Variants in RBMS2 observed in about 807,000 individuals in gnomAD.
RBMS2 encodes the protein RNA-binding motif, single-stranded-interacting protein 2.
In RBMS2, 38 loss-of-function variants were observed where a neutral mutation model predicts 58.4. That is an observed-to-expected ratio of 0.65 (90% CI 0.50 to 0.85). The LOEUF (loss-of-function observed/expected upper bound fraction) is 0.85. Ranked by LOEUF, RBMS2 falls within the 40% of genes least tolerant of loss-of-function variation. The pLI is 0.00. For synonymous variants in RBMS2, 151 were observed against 180.7 expected, an observed-to-expected ratio of 0.84 and a Z score of 1.32; for missense variants, 367 against 503.7, an observed-to-expected ratio of 0.73 and a Z score of 2.60.
intron 1 of RBMS2, among the ~76,000 whole-genome samples, chr12:56,557,736 CTTTTCTTTTT>C (rs1228757176): frequency 6.7e-6 from 1 of 148,412 alleles, no homozygotes; most frequent in Admixed American, 6.6e-5. Flanking sequence ...TTTTTCTTTT[CTTTTCTTTTT>C]TTTTTTTTTG....
Position 56,589,648 on chromosome 12 carries a change from A to G in RBMS2, c.*515A>G, listed in dbSNP as rs1046706242. On this transcript the variant is annotated 3_prime_UTR_variant, in exon 14 of 14. Coordinates refer to ENST00000262031, the MANE Select transcript of RBMS2 (RefSeq NM_002898.4). ...ATGGACTTTTTTGATGCATGTGTGTATGTGTTTTAAAAAGTATGCAGGCTC... is the reference window on the plus strand; with the variant it reads ...ATGGACTTTTTTGATGCATGTGTGTGTGTGTTTTAAAAAGTATGCAGGCTC... 2 of 160,748 alleles carry G rather than the reference A, an allele frequency of 1.2e-5. No individual in the cohort carries two copies. The highest frequency in any genetic ancestry group is 4.8e-5 in the African/African-American group (2 of 41,430). 10.0% of individuals were successfully genotyped at this position (160,748 alleles called of 1,614,324 possible).
chr12:56,542,047 T>C (rs1352285143), intron 1 of RBMS2, among the ~76,000 whole-genome samples: 1 of 83,888 alleles, frequency 1.2e-5, no homozygotes, highest in Non-Finnish European at 2.4e-5. Flanking sequence ...AATGCTTAAA[T>C]CTAGTAGATT....
intron 5 of RBMS2, among the ~76,000 whole-genome samples, chr12:56,575,568 C>CA (rs1369646465): frequency 2.8e-4 from 42 of 148,548 alleles, no homozygotes; most frequent in South Asian, 4.3e-4. Context: ...CACCCCCCCT[C>CA]AAAAAAAAAG....
At chr12:56,522,389 C>G (rs899914500) in intron 1 of RBMS2, among the ~76,000 whole-genome samples, 3 of 152,110 alleles carry the variant, frequency 2.0e-5, no homozygotes, top group Non-Finnish European at 4.4e-5. Flanking sequence ...GCTGATGTAT[C>G]AATCTCCACA....
chr12:56,546,499 A>T lies in RBMS2; in HGVS notation c.67-15918A>T, dbSNP rs1026084812. 2.1e-4 allele frequency among the ~76,000 whole-genome samples: 32 copies of T among 150,160 alleles called. No individual in the cohort carries two copies. In the East Asian group the frequency reaches 5.3e-3, roughly 25 times the overall value. ...TTATATTTTATATACAAAAAATATA[A>T]TTTTTTTGTATTTTTAGTAGAGACA... On this transcript the variant is annotated intron_variant, in intron 1 of 13. Transcript: ENST00000262031.
At chr12:56,565,308 T>C (rs550773935) in intron 2 of RBMS2, among the ~76,000 whole-genome samples, 4 of 152,320 alleles carry the variant, frequency 2.6e-5, no homozygotes, top group Middle Eastern at 3.4e-3. Flanking sequence ...CTTGGGTATT[T>C]GGTGTATAGA....
Position 56,594,558 on chromosome 12 carries a change from C to A in RBMS2, c.*5425C>A, listed in dbSNP as rs9368. The A allele has an allele frequency of 0.45, 68,800 of 152,088 alleles. 17,184 individuals are homozygous for A. Among genetic ancestry groups the A allele is most frequent in the African/African-American group, 0.67 (27,959 of 41,472 alleles). The allele number at this position is 152,088 out of a possible 1,614,324, so 9.4% of individuals were successfully genotyped here. On this transcript the variant is annotated 3_prime_UTR_variant, in exon 14 of 14. Transcript: ENST00000262031. ...GCTGCCTACATTTTCAATCCTCCCA[C>A]GCATTAGCAAATTCCTGAAATTTCC... is the stretch of plus-strand genomic sequence containing the variant.
intron 1 of RBMS2, among the ~76,000 whole-genome samples, chr12:56,538,869 GT>G (rs34672225): frequency 6.6e-6 from 1 of 152,110 alleles, no homozygotes; most frequent in East Asian, 1.9e-4. Flanking sequence ...TTTTAGTAAT[GT>G]TTTTGGCTTT....
chr12:56,588,957 T>C lies in RBMS2; in HGVS notation c.1169T>C (p.Val390Ala). Residue 390 changes from valine to alanine, a missense_variant, in exon 13 of 14, where the codon GTG (valine) becomes GCG (alanine). By Grantham distance (64) the Val-to-Ala change is moderately conservative (BLOSUM62 0). Around this residue, in one of 3 missense-constraint regions of RBMS2, gnomAD observed 220 missense variants for 261.1 expected, o/e 0.84. Transcript: ENST00000262031. ...VEESSGQQNQ[V>A]AVDAPSEHGV... ...GAGAGCAGCGGCCAACAGAACCAAG[T>C]GGCAGTGGACGCACCCTCAGAGCAT... 1.2e-6 allele frequency: 2 copies of C among 1,614,158 alleles called. No homozygotes were observed. The highest frequency in any genetic ancestry group is 1.7e-6 in the Non-Finnish European group (2 of 1,180,016).
intron 1 of RBMS2, among the ~76,000 whole-genome samples, chr12:56,549,178 A>G (rs1242161384): frequency 2.0e-5 from 3 of 151,990 alleles, no homozygotes; most frequent in Admixed American, 2.0e-4. Context: ...TATTTTTAGT[A>G]GAGACGGGGT....
intron 1 of RBMS2, chr12:56,539,903 A>G (rs1592352187): frequency 4.3e-6 from 1 of 235,240 alleles, no homozygotes. Flanking sequence ...CTGGCCTTCT[A>G]TTCCTTCCAA....
rs1449898175 is a variant in RBMS2 at position 56,590,340 on chromosome 12, A to C, written c.*1207A>C. On this transcript the variant is annotated 3_prime_UTR_variant, in exon 14 of 14. Transcript: ENST00000262031. ...ACTCACAGACCAGGAGTTCTCAATC[A>C]GAGGTGGTTTTGTCCCTCAGGCCTT... The C allele has an allele frequency of 6.6e-6, 1 of 152,148 alleles. No homozygotes were observed. The allele number at this position is 152,148 out of a possible 1,614,324, so 9.4% of individuals were successfully genotyped here. A position where few individuals can be genotyped will look rare whatever the true frequency, so the allele number is the denominator to read the frequency against.
chr12:56,522,335 T>G (rs1871858023), intron 1 of RBMS2, among the ~76,000 whole-genome samples: 1 of 152,122 alleles, frequency 6.6e-6, no homozygotes, highest in South Asian at 2.1e-4. Flanking sequence ...CAAATCAAGC[T>G]TGCAAGTTTG....
chr12:56,581,895 A>G lies in RBMS2; in HGVS notation c.779+16A>G. 1 of 1,613,178 alleles carries G rather than the reference A, an allele frequency of 6.2e-7. No homozygotes were observed. The highest frequency in any genetic ancestry group is 2.2e-5 in the East Asian group (1 of 44,866). Reference sequence around the variant, plus strand: ...TTCAGAATGGGTAAGGTTTTATATAATCAAGCCACCTGAAAATGATAATGG... The same window carrying G: ...TTCAGAATGGGTAAGGTTTTATATAGTCAAGCCACCTGAAAATGATAATGG... On this transcript the variant is annotated intron_variant, in intron 8 of 13. Coordinates refer to ENST00000262031, the MANE Select transcript of RBMS2 (RefSeq NM_002898.4).
chr12:56,560,158 G>T (rs1880125895), intron 1 of RBMS2, among the ~76,000 whole-genome samples: 1 of 151,868 alleles, frequency 6.6e-6, no homozygotes. Context: ...GCCTCCCAAA[G>T]TGCTGGGATT....
chr12:56,588,510 G>A, intron 12 of RBMS2, 136 bp downstream of exon 12: 1 of 778,786 alleles, frequency 1.3e-6, no homozygotes, highest in South Asian at 1.6e-5. Flanking sequence ...GAAGAACGTA[G>A]GAAGGATGTG....
chr12:56,569,864 C>T, intron 3 of RBMS2, 35 bp from the exon 4 acceptor site: 1 of 1,552,514 alleles, frequency 6.4e-7, no homozygotes, highest in Non-Finnish European at 8.9e-7. Context: ...CCTTACACCT[C>T]CCACTTCCTA....
chr12:56,590,039 G>A lies in RBMS2; in HGVS notation c.*906G>A, dbSNP rs1175715759. 1 of 152,198 alleles carries A rather than the reference G, an allele frequency of 6.6e-6. No individual in the cohort carries two copies. Among genetic ancestry groups the A allele is most frequent in the African/African-American group, 2.4e-5 (1 of 41,446 alleles). 9.4% of individuals were successfully genotyped at this position (152,198 alleles called of 1,614,324 possible). ...TCCACAGCCCTGGGAACACACCCTTGAGCCAAACTTGGTTGAAGACTAGGT... is the reference window on the plus strand; with the variant it reads ...TCCACAGCCCTGGGAACACACCCTTAAGCCAAACTTGGTTGAAGACTAGGT... On this transcript the variant is annotated 3_prime_UTR_variant, in exon 14 of 14. Transcript: ENST00000262031.
intron 9 of RBMS2, among the ~76,000 whole-genome samples, chr12:56,586,242 G>T (rs2136590200): frequency 6.6e-6 from 1 of 152,232 alleles, no homozygotes; most frequent in Middle Eastern, 3.4e-3. Context: ...TGAGGTGGGA[G>T]AATGGTGTGA....
Sources: allele counts gnomAD v4.1 joint callset (sites outside exome capture counted in the v4.1 genomes callset), GRCh38; gene constraint gnomAD v4.1.1; regional missense constraint gnomAD v4.1.1; transcripts MANE v1.5; gene names NCBI Gene and HGNC (gene_info 2026-07-23, HGNC 2026-07-21).